Variants in PCDHGA1 observed in about 807,000 individuals in gnomAD.
The protein encoded by PCDHGA1 is protocadherin gamma subfamily A, 1, also known as protocadherin gamma-A1.
Under a neutral mutation model 58.0 loss-of-function variants are expected in PCDHGA1, and 32 were observed. That is an observed-to-expected ratio of 0.55 (90% CI 0.42 to 0.74). The LOEUF is 0.74. Ranked by LOEUF, PCDHGA1 falls within the 30% of genes least tolerant of loss-of-function variation. The pLI, the probability that PCDHGA1 is intolerant of heterozygous loss-of-function variation, is 0.00. For synonymous variants in PCDHGA1, 498 were observed against 501.1 expected (o/e 0.99, Z 0.08); for missense variants, 1,205 against 1,182.3 (o/e 1.02, Z -0.28).
In PCDHGA1 at chr5:141,511,131, C is replaced by T; in HGVS notation, c.2754C>T (p.Gly918=). ...GGGATGGCAAGGCCCCAGCAGGTGG[C>T]AATGGCAACAAGAAGAAGTCGGGCA... is the stretch of plus-strand genomic sequence containing the variant. ...GKRDGKAPAG[G]NGNKKKSGKK... is the part of the protein sequence containing the mutation. The change falls in exon 4 of 4, where the codon GGC becomes GGT. Residue 918 remains glycine (G), a synonymous_variant. Coordinates refer to ENST00000517417, the MANE Select transcript of PCDHGA1 (RefSeq NM_018912.3). 2 of 1,614,202 alleles carry T rather than the reference C, an allele frequency of 1.2e-6. No homozygotes were observed. Among genetic ancestry groups the T allele is most frequent in the Non-Finnish European group, 1.7e-6 (2 of 1,180,020 alleles).
At chr5:141,389,408 G>A (rs2091745894) in intron 1 of PCDHGA1, 6 of 1,613,494 alleles carry the variant, frequency 3.7e-6, no homozygotes, top group Admixed American at 1.7e-5. Flanking sequence ...TAAGCGCGGA[G>A]AGCGGGGTGG....
Position 141,490,916 on chromosome 5 carries a change from A to C in PCDHGA1, c.2422-3891A>C. 1 of 1,613,724 alleles carries C rather than the reference A, an allele frequency of 6.2e-7. No homozygotes were observed. Among genetic ancestry groups the C allele is most frequent in the Non-Finnish European group, 8.5e-7 (1 of 1,179,736 alleles). ...CATGTGTTTGTCCTAGACGAGAATG[A>C]TAATGCCCCAGCTGTGCTGCACCCA... is the stretch of plus-strand genomic sequence containing the variant. On this transcript the variant is annotated intron_variant, in intron 1 of 3. Transcript: ENST00000517417. This position sits in a 1 kb window ranked among gnomAD's most constrained non-coding sequence, Gnocchi z 5.4.
intron 1 of PCDHGA1, chr5:141,364,833 G>A (rs1165362537): frequency 3.1e-6 from 5 of 1,613,882 alleles, no homozygotes; most frequent in African/African-American, 2.7e-5. Flanking sequence ...AACTCTCTCC[G>A]GAGTTACCAG....
At chr5:141,397,887 G>C in intron 1 of PCDHGA1, 1 of 617,602 alleles carries the variant, frequency 1.6e-6, no homozygotes, top group South Asian at 2.4e-5. Flanking sequence ...GCCGCTGTTG[G>C]CCAAAGTGCA....
intron 1 of PCDHGA1, chr5:141,393,226 T>C (rs1291576624): frequency 6.2e-7 from 1 of 1,613,712 alleles, no homozygotes; most frequent in Non-Finnish European, 8.5e-7. Context: ...GTCGAAGATC[T>C]AGAAGTAAAA....
At chr5:141,500,721 ATG>A (rs1209024560) in intron 2 of PCDHGA1, among the ~76,000 whole-genome samples, 1 of 152,088 alleles carries the variant, frequency 6.6e-6, no homozygotes, top group African/African-American at 2.4e-5. Context: ...GAATTTCCCC[ATG>A]TCTTTCAAAA....
At chr5:141,379,296 G>T (rs537053500) in intron 1 of PCDHGA1, 18 of 152,178 alleles carry the variant, frequency 1.2e-4, no homozygotes, top group African/African-American at 4.1e-4. Flanking sequence ...GTTTCCAAAG[G>T]TATATACCTA....
Position 141,331,936 on chromosome 5 carries a change from T to C in PCDHGA1, c.1252T>C (p.Tyr418His). ...ACTGGACAGAGAACTTATCTCTGGG[T>C]ACAACATCACAATAACAGCAATAGA... ...RTLDRELISG[Y>H]NITITAIDQG... The change falls in exon 1 of 4, where the codon TAC becomes CAC. Residue 418 changes from tyrosine to histidine, a missense_variant. Transcript: ENST00000517417. 6.2e-7 allele frequency: 1 copy of C among 1,614,154 alleles called. No homozygotes were observed. Among genetic ancestry groups the C allele is most frequent in the Non-Finnish European group, 8.5e-7 (1 of 1,180,038 alleles).
At chr5:141,494,365 C>A (rs193174055) in intron 1 of PCDHGA1, among the ~76,000 whole-genome samples, 20 of 152,290 alleles carry the variant, frequency 1.3e-4, no homozygotes, top group Non-Finnish European at 2.2e-4. Context: ...GCAGAGGATG[C>A]TTTGTTCCCA....
Position 141,476,889 on chromosome 5 carries a change from C to T in PCDHGA1, c.2422-17918C>T. ...CGGGCGCGCGTCCTGGAGGATGCAC[C>T]CTCCGGCACGCGCGTGGTACAAGTC... is the stretch of plus-strand genomic sequence containing the variant. On this transcript the variant is annotated intron_variant, in intron 1 of 3. Transcript: ENST00000517417. This position sits in a 1 kb window ranked among gnomAD's most constrained non-coding sequence, Gnocchi z 7.6. 6.2e-7 allele frequency: 1 copy of T among 1,613,960 alleles called. No individual in the cohort carries two copies. The highest frequency in any genetic ancestry group is 8.5e-7 in the Non-Finnish European group (1 of 1,180,034).
Position 141,419,080 on chromosome 5 carries a change from T to G in PCDHGA1, c.2422-75727T>G, listed in dbSNP as rs1286490083. The G allele has an allele frequency of 3.1e-6, 5 of 1,613,842 alleles. No individual in the cohort carries two copies. The South Asian group carries it at 5.5e-5, about 18-fold the overall frequency. On this transcript the variant is annotated intron_variant, in intron 1 of 3. Transcript: ENST00000517417. ...ATAATTACTACAAGCTAGTAACAGA[T>G]GAGGCCCTGGATCGGGAGCAGACCC... is the stretch of plus-strand genomic sequence containing the variant.
At chr5:141,430,581 C>A in intron 1 of PCDHGA1, 1 of 483,436 alleles carries the variant, frequency 2.1e-6, no homozygotes, top group Non-Finnish European at 3.4e-6. Context: ...GGAGATCCTG[C>A]TCGCCTTGCA....
chr5:141,470,488 T>A (rs2099231812), intron 1 of PCDHGA1, among the ~76,000 whole-genome samples: 2 of 152,234 alleles, frequency 1.3e-5, no homozygotes, highest in South Asian at 4.1e-4. Flanking sequence ...CCTCTGGGAA[T>A]AATATTAGGT....
At chr5:141,384,882 C>A in intron 1 of PCDHGA1, 1 of 1,613,872 alleles carries the variant, frequency 6.2e-7, no homozygotes, top group South Asian at 1.1e-5. Context: ...TCACACTCAC[C>A]GTGGCTGTGG....
chr5:141,385,545 A>G, intron 1 of PCDHGA1: 1 of 1,319,590 alleles, frequency 7.6e-7, no homozygotes, highest in Non-Finnish European at 9.7e-7. Flanking sequence ...TATGTGGACT[A>G]TCACATTTTA....
rs1054012796 is a variant in PCDHGA1 at position 141,420,071 on chromosome 5, G to C, written c.2422-74736G>C. The C allele has an allele frequency of 6.2e-7, 1 of 1,614,050 alleles. No individual in the cohort carries two copies. On this transcript the variant is annotated intron_variant, in intron 1 of 3. Coordinates refer to ENST00000517417, the MANE Select transcript of PCDHGA1 (RefSeq NM_018912.3). ...AGTTCTCTGCTCCAAGTCCGGACCT[G>C]TGGGTCCCCCCAACTACAGTGAGGG...
chr5:141,419,578 G>C (rs1339676992), intron 1 of PCDHGA1: 1 of 1,611,722 alleles, frequency 6.2e-7, no homozygotes. Flanking sequence ...ACGGCTCCGC[G>C]CTCTTCGACA....
In PCDHGA1 at chr5:141,423,089, G is replaced by C. The variant is rs201821221; in HGVS notation, c.2422-71718G>C. The stretch of plus-strand genomic sequence containing the variant: ...AGCGAGCCGGGACTCTTCGCGGTGG[G>C]GGAGCACACGGGCGAGGTGCGTACA... On this transcript the variant is annotated intron_variant, in intron 1 of 3. Transcript: ENST00000517417. 4.0e-5 allele frequency: 65 copies of C among 1,614,016 alleles called. No individual in the cohort carries two copies. In the African/African-American group the frequency reaches 7.2e-4, roughly 18 times the overall value.
At chr5:141,400,232 C>CT (rs1207022796) in intron 1 of PCDHGA1, 6 of 1,613,914 alleles carry the variant, frequency 3.7e-6, no homozygotes, top group African/African-American at 1.3e-5. Context: ...TTCCTCCTGG[C>CT]CGTGATTCTG....
Sources: allele counts gnomAD v4.1 joint callset (sites outside exome capture counted in the v4.1 genomes callset), GRCh38; gene constraint gnomAD v4.1.1; non-coding constraint Gnocchi (gnomAD v3.1); transcripts MANE v1.5; gene names NCBI Gene and HGNC (gene_info 2026-07-23, HGNC 2026-07-21).